Variants in AGPAT4 observed in about 807,000 individuals in gnomAD.
AGPAT4 encodes 1-acylglycerol-3-phosphate O-acyltransferase 4, also known as 1-acyl-sn-glycerol-3-phosphate acyltransferase delta.
Under a neutral mutation model 48.0 loss-of-function variants are expected in AGPAT4, and 15 were observed. The observed-to-expected ratio is 0.31, with a 90% CI of 0.21 to 0.48. The LOEUF (loss-of-function observed/expected upper bound fraction) is 0.48, where lower values mean the gene tolerates loss of function less well. Ranked by LOEUF, AGPAT4 falls within the 20% of genes least tolerant of loss-of-function variation. The pLI is 0.99. For synonymous variants in AGPAT4, 178 were observed against 198.7 expected (o/e 0.90, Z 0.88); for missense variants, 314 against 482.5 (o/e 0.65, Z 3.27).
intron 1 of AGPAT4, among the ~76,000 whole-genome samples, chr6:161,247,221 C>T (rs1476130581): frequency 2.0e-5 from 3 of 152,152 alleles, no homozygotes; most frequent in African/African-American, 4.8e-5. Flanking sequence ...TCTGTTAAAA[C>T]ACAAATCCAG....
At chr6:161,157,001 T>G (rs1204849339) in intron 3 of AGPAT4, among the ~76,000 whole-genome samples, 2 of 152,244 alleles carry the variant, frequency 1.3e-5, no homozygotes, top group African/African-American at 4.8e-5. Flanking sequence ...TGTTAATAAA[T>G]ACGTGGGTAA....
Position 161,235,641 on chromosome 6 carries a change from G to A in AGPAT4, c.-89-3339C>T, listed in dbSNP as rs866025394. On this transcript the variant is annotated intron_variant, in intron 1 of 8. Coordinates refer to ENST00000320285, the MANE Select transcript of AGPAT4 (RefSeq NM_020133.3). The surrounding 1 kb of genome is among the most constrained non-coding windows in gnomAD (Gnocchi z 6.2). ...GAAAGCACAGTGGCTTCTGATTCTGGGGAGGCCTCAGGAAGCTTTTACTCA... is the reference window on the plus strand; with the variant it reads ...GAAAGCACAGTGGCTTCTGATTCTGAGGAGGCCTCAGGAAGCTTTTACTCA... Among the ~76,000 whole-genome samples the A allele has an allele frequency of 6.6e-6, 1 of 152,172 alleles. No homozygotes were observed. The highest frequency in any genetic ancestry group is 6.5e-5 in the Admixed American group (1 of 15,280).
chr6:161,254,178 A>C lies in AGPAT4; in HGVS notation c.-90+19760T>G, dbSNP rs1782879427. ...ATTTAACTTTTTTTAAAAAAAGAAA[A>C]ACTTTTCTACTGCATTTTTTAAGAT... On this transcript the variant is annotated intron_variant, in intron 1 of 8. Transcript: ENST00000320285. This position sits in a 1 kb window ranked among gnomAD's most constrained non-coding sequence, Gnocchi z 5.9. Among the ~76,000 whole-genome samples, 1 of 152,224 alleles carries C rather than the reference A, an allele frequency of 6.6e-6. No individual in the cohort carries two copies. The highest frequency in any genetic ancestry group is 6.5e-5 in the Admixed American group (1 of 15,286).
intron 2 of AGPAT4, among the ~76,000 whole-genome samples, chr6:161,199,167 CT>C (rs1355675309): frequency 1.3e-5 from 2 of 151,844 alleles, no homozygotes; most frequent in Non-Finnish European, 2.9e-5. Context: ...CATTGCAACA[CT>C]GTGCATCAGA....
rs1223014109 is a variant in AGPAT4 at position 161,143,601 on chromosome 6, T to C, written c.843+2923A>G. Among the ~76,000 whole-genome samples, 3 of 152,216 alleles carry C rather than the reference T, an allele frequency of 2.0e-5. No homozygotes were observed. The highest frequency in any genetic ancestry group is 2.9e-5 in the Non-Finnish European group (2 of 68,038). ...CCTCAGAGCGAGTTTACCTGGGAAC[T>C]GCTTTTGTCCACAGAAGATCACACA... On this transcript the variant is annotated intron_variant, in intron 7 of 8. Coordinates refer to ENST00000320285, the MANE Select transcript of AGPAT4 (RefSeq NM_020133.3). This position sits in a 1 kb window ranked among gnomAD's most constrained non-coding sequence, Gnocchi z 4.7.
At chr6:161,182,751 G>A (rs1438402693) in intron 2 of AGPAT4, among the ~76,000 whole-genome samples, 3 of 152,230 alleles carry the variant, frequency 2.0e-5, no homozygotes, top group Admixed American at 2.0e-4. Flanking sequence ...CTGAGAGGCG[G>A]GCACTGCTGC....
In AGPAT4 at chr6:161,242,288, A is replaced by T. The variant is rs1409389007; in HGVS notation, c.-89-9986T>A. ...CGCTTTTAACCAGTCTCACGCTCTTAATGCTGCCTATAAGACAAGAAGCCC... is the reference window on the plus strand; with the variant it reads ...CGCTTTTAACCAGTCTCACGCTCTTTATGCTGCCTATAAGACAAGAAGCCC... On this transcript the variant is annotated intron_variant, in intron 1 of 8. Transcript: ENST00000320285. This position sits in a 1 kb window ranked among gnomAD's most constrained non-coding sequence, Gnocchi z 5.0. Among the ~76,000 whole-genome samples the T allele has an allele frequency of 4.6e-5, 7 of 152,178 alleles. No homozygotes were observed. The highest frequency in any genetic ancestry group is 4.6e-4 in the Admixed American group (7 of 15,282).
rs1054099720 is a variant in AGPAT4 at position 161,266,116 on chromosome 6, A to C, written c.-90+7822T>G. On this transcript the variant is annotated intron_variant, in intron 1 of 8. Coordinates refer to ENST00000320285, the MANE Select transcript of AGPAT4 (RefSeq NM_020133.3). This position sits in a 1 kb window ranked among gnomAD's most constrained non-coding sequence, Gnocchi z 6.2. ...GGGATTTTTGGCTGTCACAAGTAGGAGTGGGGTGACTACTCCTGGCATGTA... is the reference window on the plus strand; with the variant it reads ...GGGATTTTTGGCTGTCACAAGTAGGCGTGGGGTGACTACTCCTGGCATGTA... Among the ~76,000 whole-genome samples the C allele has an allele frequency of 6.6e-6, 1 of 151,996 alleles. No individual in the cohort carries two copies. The highest frequency in any genetic ancestry group is 2.4e-5 in the African/African-American group (1 of 41,380).
In AGPAT4 at chr6:161,178,230, A is replaced by G. The variant is rs1203436093; in HGVS notation, c.179-11813T>C. Among the ~76,000 whole-genome samples the G allele has an allele frequency of 6.6e-6, 1 of 152,120 alleles. No homozygotes were observed. Among genetic ancestry groups the G allele is most frequent in the Non-Finnish European group, 1.5e-5 (1 of 68,006 alleles). On this transcript the variant is annotated intron_variant, in intron 2 of 8. Transcript: ENST00000320285. This position sits in a 1 kb window ranked among gnomAD's most constrained non-coding sequence, Gnocchi z 5.1. Reference sequence around the variant, plus strand: ...GAAGTTTCTGCTGCCCTGCCCCCAGAGGTGGAGTCTACAGAGGCATGCAGG... The same window carrying G: ...GAAGTTTCTGCTGCCCTGCCCCCAGGGGTGGAGTCTACAGAGGCATGCAGG...
intron 2 of AGPAT4, among the ~76,000 whole-genome samples, chr6:161,167,012 C>A (rs899516838): frequency 6.6e-6 from 1 of 152,144 alleles, no homozygotes; most frequent in Non-Finnish European, 1.5e-5. Context: ...GAAAAAGATT[C>A]TTTCTTCAGG....
intron 2 of AGPAT4, among the ~76,000 whole-genome samples, chr6:161,193,174 G>T (rs1780970650): frequency 1.3e-5 from 2 of 152,070 alleles, no homozygotes; most frequent in Non-Finnish European, 2.9e-5. Context: ...TCCCATGTTT[G>T]TTAAAAAGTA....
At chr6:161,176,267 G>A (rs535646117) in intron 2 of AGPAT4, among the ~76,000 whole-genome samples, 1 of 152,146 alleles carries the variant, frequency 6.6e-6, no homozygotes, top group Admixed American at 6.5e-5. Context: ...TTGTGTGGGA[G>A]TCTAAGTCTC....
In AGPAT4 at chr6:161,165,168, T is replaced by C. The variant is rs553457997; in HGVS notation, c.348+1080A>G. ...CCAAGTTCTCCACATCAGAGAATGA[T>C]AGTTACTAGAATGTTTGCTCTTGTT... On this transcript the variant is annotated intron_variant, in intron 3 of 8. Transcript: ENST00000320285. This position sits in a 1 kb window ranked among gnomAD's most constrained non-coding sequence, Gnocchi z 5.5. Among the ~76,000 whole-genome samples the C allele has an allele frequency of 8.5e-5, 13 of 152,328 alleles. No homozygotes were observed. Among genetic ancestry groups the C allele is most frequent in the African/African-American group, 2.6e-4 (11 of 41,588 alleles).
Position 161,146,484 on chromosome 6 carries a change from G to A in AGPAT4, c.843+40C>T, listed in dbSNP as rs1290438020. The A allele has an allele frequency of 6.2e-7, 1 of 1,603,834 alleles. No individual in the cohort carries two copies. Among genetic ancestry groups the A allele is most frequent in the South Asian group, 1.1e-5 (1 of 90,770 alleles). On this transcript the variant is annotated intron_variant, in intron 7 of 8. Coordinates refer to ENST00000320285, the MANE Select transcript of AGPAT4 (RefSeq NM_020133.3). This position sits in a 1 kb window ranked among gnomAD's most constrained non-coding sequence, Gnocchi z 7.1. ...AACACAGCCACACGGCGCACCCACA[G>A]CTGCAACGTGAAGGGACCCCTGGCA...
rs970409319 is a variant in AGPAT4 at position 161,262,975 on chromosome 6, G to A, written c.-90+10963C>T. On this transcript the variant is annotated intron_variant, in intron 1 of 8. Transcript: ENST00000320285. The surrounding 1 kb of genome is among the most constrained non-coding windows in gnomAD (Gnocchi z 4.9). Reference sequence around the variant, plus strand: ...AGCCCTGGGCTATTCCAGAGAAAGCGAGGGAAGGCCCACCAAGGCGAGTGA... The same window carrying A: ...AGCCCTGGGCTATTCCAGAGAAAGCAAGGGAAGGCCCACCAAGGCGAGTGA... Among the ~76,000 whole-genome samples, 1 of 152,120 alleles carries A rather than the reference G, an allele frequency of 6.6e-6. No homozygotes were observed. The highest frequency in any genetic ancestry group is 1.5e-5 in the Non-Finnish European group (1 of 68,036).
Position 161,161,658 on chromosome 6 carries a change from C to T in AGPAT4, c.348+4590G>A. 2.8e-6 allele frequency: 1 copy of T among 360,986 alleles called. No individual in the cohort carries two copies. The highest frequency in any genetic ancestry group is 5.5e-6 in the Non-Finnish European group (1 of 181,124). 22.4% of individuals were successfully genotyped at this position (360,986 alleles called of 1,614,324 possible). ...CCATATCTGGAAACTTCTAACTTCT[C>T]TTCAGCCAAAGAGCCCTTGACAAGT... On this transcript the variant is annotated intron_variant, in intron 3 of 8. Transcript: ENST00000320285. This position sits in a 1 kb window ranked among gnomAD's most constrained non-coding sequence, Gnocchi z 4.6.
At chr6:161,256,058 GCCA>G (rs1782934586) in intron 1 of AGPAT4, among the ~76,000 whole-genome samples, 1 of 152,124 alleles carries the variant, frequency 6.6e-6, no homozygotes, top group Non-Finnish European at 1.5e-5. Context: ...GCAGGAAAAA[GCCA>G]CTCCACCCTC....
At position 161,155,210 on chromosome 6, in the gene AGPAT4, C is replaced by T. The variant is rs547887020; in HGVS notation, c.349-900G>A. ...GGCGTCCACTACATCAGTCCCCCTA[C>T]ACTGAGGAAGACCAGGGCTTCAGTG... On this transcript the variant is annotated intron_variant, in intron 3 of 8. Transcript: ENST00000320285. This position sits in a 1 kb window ranked among gnomAD's most constrained non-coding sequence, Gnocchi z 5.8. 5.1e-4 allele frequency among the ~76,000 whole-genome samples: 77 copies of T among 152,326 alleles called. No homozygotes were observed. Among genetic ancestry groups the T allele is most frequent in the African/African-American group, 1.8e-3 (74 of 41,582 alleles).
Position 161,212,322 on chromosome 6 carries a change from A to G in AGPAT4, c.178+19714T>C, listed in dbSNP as rs1781542807. On this transcript the variant is annotated intron_variant, in intron 2 of 8. Transcript: ENST00000320285. This position sits in a 1 kb window ranked among gnomAD's most constrained non-coding sequence, Gnocchi z 6.1. ...TTGCCTTTTTTGAAATCCTTGAGTT[A>G]TCACTTTAGTTAAATGAATGACCCT... Among the ~76,000 whole-genome samples the G allele has an allele frequency of 6.6e-6, 1 of 152,222 alleles. No individual in the cohort carries two copies.
Sources: gnomAD v4.1 joint callset for allele counts (sites outside exome capture counted in the v4.1 genomes callset) on GRCh38, gnomAD v4.1.1 for gene constraint, Gnocchi (gnomAD v3.1) non-coding constraint, MANE v1.5 for transcripts, NCBI Gene and HGNC (gene_info 2026-07-23, HGNC 2026-07-21) for gene names.